Variants in DMXL1 observed in about 807,000 individuals in gnomAD.
DMXL1 encodes the protein dmX-like protein 1.
Under a neutral mutation model 319.2 loss-of-function variants are expected in DMXL1, and 99 were observed. That is an observed-to-expected ratio of 0.31 (90% CI 0.26 to 0.37). The LOEUF is 0.37. Ranked by LOEUF, DMXL1 falls within the 10% of genes least tolerant of loss-of-function variation. DMXL1 has a pLI of 1.00. For missense variants in DMXL1, 3,745 were observed against 3,595.6 expected, an observed-to-expected ratio of 1.04 and a Z score of -1.06; for synonymous variants, 1,385 against 1,235.2, an observed-to-expected ratio of 1.12 and a Z score of -2.54.
At chr5:119,220,347 C>CT (rs1784444784) in intron 35 of DMXL1, 125 bp from the exon 36 acceptor site, 7 of 725,936 alleles carry the variant, frequency 9.6e-6, no homozygotes, top group Middle Eastern at 5.6e-4. Flanking sequence ...AGTAAGAATG[C>CT]TGTATATCCT....
intron 7 of DMXL1, among the ~76,000 whole-genome samples, chr5:119,117,743 T>G (rs1278193481): frequency 1.3e-5 from 2 of 151,312 alleles, no homozygotes; most frequent in African/African-American, 4.9e-5. Context: ...GGGAGAGAGA[T>G]GCAAGAATGG....
chr5:119,118,751 G>A lies in DMXL1; in HGVS notation c.744-64G>A, dbSNP rs72784079. On this transcript the variant is annotated intron_variant, in intron 7 of 43. Coordinates refer to ENST00000539542, the MANE Select transcript of DMXL1 (RefSeq NM_001290321.3). ...ACATTTAAGTAATTACAGAAACATC[G>A]TAGAATTTCTGTGATACTATGTGAA... 4,336 of 1,256,078 alleles carry A rather than the reference G, an allele frequency of 3.5e-3. 7 individuals are homozygous for A. The highest frequency in any genetic ancestry group is 4.1e-3 in the Non-Finnish European group (3,724 of 899,392). 77.8% of individuals were successfully genotyped at this position (1,256,078 alleles called of 1,614,324 possible).
intron 25 of DMXL1, among the ~76,000 whole-genome samples, chr5:119,173,776 G>GTGTATATGTATATATATATATATATA: frequency 1.5e-5 from 1 of 67,170 alleles, no homozygotes; most frequent in African/African-American, 5.6e-5. Flanking sequence ...ATGTGTGTGT[G>GTGTATATGTATATATATATATATATA]TATATATATA....
intron 28 of DMXL1, among the ~76,000 whole-genome samples, chr5:119,185,582 A>G (rs948276146): frequency 6.6e-6 from 1 of 152,058 alleles, no homozygotes; most frequent in Admixed American, 6.6e-5. Context: ...GGCTCACTGC[A>G]ACCTCTGCCT....
chr5:119,210,510 A>G (rs1002406105), intron 34 of DMXL1, among the ~76,000 whole-genome samples: 2 of 152,134 alleles, frequency 1.3e-5, no homozygotes, highest in Admixed American at 1.3e-4. Flanking sequence ...CTGTATGTCA[A>G]TTGTTACAGC....
intron 13 of DMXL1, among the ~76,000 whole-genome samples, chr5:119,135,412 A>C (rs930347710): frequency 6.6e-6 from 1 of 152,236 alleles, no homozygotes; most frequent in Non-Finnish European, 1.5e-5. Context: ...CTATTTGATT[A>C]AAGATCTGAA....
rs371098535 is a variant in DMXL1 at position 119,196,474 on chromosome 5, A to G, written c.7543+18A>G. 7 of 1,488,856 alleles carry G rather than the reference A, an allele frequency of 4.7e-6. No homozygotes were observed. The highest frequency in any genetic ancestry group is 4.2e-5 in the African/African-American group (3 of 71,498). The allele number at this position is 1,488,856 out of a possible 1,614,324, so 92.2% of individuals were successfully genotyped here. A position where few individuals can be genotyped will look rare whatever the true frequency, so the allele number is the denominator to read the frequency against. On this transcript the variant is annotated intron_variant, in intron 31 of 43. Transcript: ENST00000539542. ...TCTTGCAGGTAATAAATAGCTCAAC[A>G]TGAGCTAATGGTGCCATTGCTTTTG...
chr5:119,214,293 T>C (rs1220431086), intron 34 of DMXL1, among the ~76,000 whole-genome samples: 1 of 152,196 alleles, frequency 6.6e-6, no homozygotes, highest in African/African-American at 2.4e-5. Context: ...TAACAAAATG[T>C]ATCCCAATTC....
Position 119,173,766 on chromosome 5 carries a change from ATG to A in DMXL1, c.6682-1485_6682-1484del, listed in dbSNP as rs376741039. On this transcript the variant is annotated intron_variant, in intron 25 of 43. Transcript: ENST00000539542. Reference sequence around the variant, plus strand: ...TATATATGTGTGTGTATATATATATATGTGTGTGTGTATATATATATATATAT... The same window carrying A: ...TATATATGTGTGTGTATATATATATATGTGTGTGTATATATATATATATAT... 8.4e-3 allele frequency among the ~76,000 whole-genome samples: 639 copies of A among 76,498 alleles called. 19 individuals are homozygous for A. Among genetic ancestry groups the A allele is most frequent in the South Asian group, 0.02 (38 of 1,892 alleles). The allele number at this position is 76,498 out of a possible 152,430, so 50.2% of individuals were successfully genotyped here.
rs1778379754 is a variant in DMXL1, at chr5:119,189,764, A to T, written c.7192A>T (p.Met2398Leu). The T allele has an allele frequency of 6.2e-7, 1 of 1,614,020 alleles. No homozygotes were observed. Among genetic ancestry groups the T allele is most frequent in the African/African-American group, 1.3e-5 (1 of 74,938 alleles). Residue 2398 changes from methionine to leucine, a missense_variant, in exon 29 of 44, where the codon ATG (methionine) becomes TTG (leucine). Around this residue, in one of 4 missense-constraint regions of DMXL1, gnomAD observed 1,382 missense variants for 1,269.5 expected, o/e 1.09. Coordinates refer to ENST00000539542, the MANE Select transcript of DMXL1 (RefSeq NM_001290321.3). ...KQNKRFRPSKMSCRESAPLTP... is the reference protein window; with the variant it reads ...KQNKRFRPSKLSCRESAPLTP... ...GAACAAACGTTTTAGGCCGTCAAAA[A>T]TGTCTTGCAGAGAATCTGCCCCACT...
At position 119,141,352 on chromosome 5, in the gene DMXL1, C is replaced by G. The variant is rs1164692098; in HGVS notation, c.2377-2489C>G. Among the ~76,000 whole-genome samples the G allele has an allele frequency of 3.9e-5, 6 of 152,188 alleles. No individual in the cohort carries two copies. The East Asian group carries it at 7.7e-4, about 20-fold the overall frequency. On this transcript the variant is annotated intron_variant, in intron 13 of 43. Transcript: ENST00000539542. Reference sequence around the variant, plus strand: ...GACATGTTTCTATATCTAGATAACCCTATGTCTTGGCCCAAAAGCTCCTAG... The same window carrying G: ...GACATGTTTCTATATCTAGATAACCGTATGTCTTGGCCCAAAAGCTCCTAG...
chr5:119,164,094 A>ATT (rs758912398), intron 19 of DMXL1, among the ~76,000 whole-genome samples: 37 of 147,230 alleles, frequency 2.5e-4, no homozygotes, highest in African/African-American at 8.0e-4. Context: ...TGCTTGCTTG[A>ATT]TGTTTTTTTT....
intron 5 of DMXL1, 45 bp downstream of exon 5, chr5:119,110,328 A>C (rs371482414): frequency 9.4e-5 from 137 of 1,456,634 alleles, no homozygotes; most frequent in Admixed American, 3.2e-4. Flanking sequence ...CTGTTGTTCT[A>C]TGTGGTTTTA....
intron 34 of DMXL1, among the ~76,000 whole-genome samples, chr5:119,213,044 AC>A (rs767991474): frequency 2.0e-5 from 3 of 152,110 alleles, no homozygotes; most frequent in Non-Finnish European, 4.4e-5. Flanking sequence ...AAAAGCACAA[AC>A]CCTGGAGCTT....
At chr5:119,106,488 G>T (rs1329923893) in intron 4 of DMXL1, among the ~76,000 whole-genome samples, 1 of 152,172 alleles carries the variant, frequency 6.6e-6, no homozygotes, top group Non-Finnish European at 1.5e-5. Flanking sequence ...TTATAATAAG[G>T]ATTAGTATTT....
intron 43 of DMXL1, among the ~76,000 whole-genome samples, chr5:119,244,833 T>C (rs1789457277): frequency 6.6e-6 from 1 of 152,206 alleles, no homozygotes; most frequent in Admixed American, 6.5e-5. Flanking sequence ...AATTCAGATA[T>C]TAGAATTTGT....
chr5:119,151,720 A>G (rs1260343595), intron 18 of DMXL1, among the ~76,000 whole-genome samples: 2 of 152,154 alleles, frequency 1.3e-5, no homozygotes, highest in East Asian at 3.8e-4. Flanking sequence ...AGAGTATCAG[A>G]TTCTCTTTAT....
chr5:119,192,174 A>C (rs796679665), intron 29 of DMXL1, among the ~76,000 whole-genome samples: 39 of 152,278 alleles, frequency 2.6e-4, no homozygotes, highest in African/African-American at 7.9e-4. Flanking sequence ...AAATCAGACA[A>C]AACTTTTTCA....
chr5:119,126,465 A>G (rs1374932553), intron 9 of DMXL1, among the ~76,000 whole-genome samples: 2 of 152,236 alleles, frequency 1.3e-5, no homozygotes, highest in Non-Finnish European at 2.9e-5. Flanking sequence ...ACATGACTGT[A>G]TAACAATAAA....
Sources: allele counts gnomAD v4.1 joint callset (sites outside exome capture counted in the v4.1 genomes callset), GRCh38; gene constraint gnomAD v4.1.1; regional missense constraint gnomAD v4.1.1; transcripts MANE v1.5; gene names NCBI Gene and HGNC (gene_info 2026-07-23, HGNC 2026-07-21).